Variants in MYH9 observed in about 807,000 individuals in gnomAD.
MYH9 encodes the protein myosin heavy chain 9.
A neutral mutation model predicts 241.9 loss-of-function variants in MYH9; 29 were observed. The ratio of observed to expected loss-of-function variants is 0.12; its 90% CI spans 0.09 to 0.16. The LOEUF (loss-of-function observed/expected upper bound fraction) is 0.16. Among genes scored for constraint, MYH9 ranks in the 10% least tolerant of loss-of-function variants. The pLI, the probability that MYH9 is intolerant of heterozygous loss-of-function variation, is 1.00. For synonymous variants in MYH9, 1,047 were observed against 1,062.6 expected, an observed-to-expected ratio of 0.99 and a Z score of 0.29; for missense variants, 1,803 against 2,595.5, an observed-to-expected ratio of 0.69 and a Z score of 6.63.
rs989377936 is a variant in MYH9, at chr22:36,300,794, C to T, written c.2838+57G>A. 12 of 1,587,962 alleles carry T rather than the reference C, an allele frequency of 7.6e-6. No homozygotes were observed. The South Asian group carries it at 9.9e-5, about 13-fold the overall frequency. On this transcript the variant is annotated intron_variant, in intron 22 of 40. Transcript: ENST00000216181. This position sits in a 1 kb window ranked among gnomAD's most constrained non-coding sequence, Gnocchi z 5.0. The stretch of plus-strand genomic sequence containing the variant: ...TTCTCCCAGCTCCTGGTTCCTGCTC[C>T]TCCGCCCCGCCCTGCCCCTCCGGCG...
rs1159654055 is a variant in MYH9 at position 36,348,817 on chromosome 22, C to T, written c.333+87G>A. On this transcript the variant is annotated intron_variant, in intron 2 of 40. Transcript: ENST00000216181. ...CTCAACCAGAGAGCCAGGGCCCAGG[C>T]ACGTGAGGGTGATGGGAAGACCCGC... 13 of 1,295,742 alleles carry T rather than the reference C, an allele frequency of 1.0e-5. 2 individuals carry two copies. The highest frequency in any genetic ancestry group is 1.4e-5 in the Non-Finnish European group (13 of 919,870). 80.3% of individuals were successfully genotyped at this position (1,295,742 alleles called of 1,614,324 possible). A position where few individuals can be genotyped will look rare whatever the true frequency, so the allele number is the denominator to read the frequency against.
chr22:36,371,040 G>A (rs372703258), intron 1 of MYH9, among the ~76,000 whole-genome samples: 15 of 152,236 alleles, frequency 9.9e-5, no homozygotes, highest in Non-Finnish European at 1.8e-4. Flanking sequence ...GTAGAGCACC[G>A]TCCTGGAGGG....
intron 1 of MYH9, among the ~76,000 whole-genome samples, 196 bp from the exon 2 acceptor site, chr22:36,349,451 C>A (rs1056706764): frequency 6.6e-6 from 1 of 152,148 alleles, no homozygotes; most frequent in South Asian, 2.1e-4. Flanking sequence ...CAAGTTGGGC[C>A]CAGGACAGTG....
intron 3 of MYH9, among the ~76,000 whole-genome samples, chr22:36,340,173 G>A (rs959696285): frequency 2.6e-5 from 4 of 151,406 alleles, no homozygotes; most frequent in Non-Finnish European, 5.9e-5. Flanking sequence ...TATTAGGCTA[G>A]TGCAAAAGTA....
intron 1 of MYH9, 55 bp downstream of exon 1, chr22:36,387,752 C>CCCCG (rs978369198): frequency 2.0e-5 from 3 of 151,966 alleles, no homozygotes; most frequent in South Asian, 2.1e-4. Flanking sequence ...CGCGTCTCGC[C>CCCCG]CCCGCCCGCC....
chr22:36,384,540 G>A (rs1392117718), intron 1 of MYH9, among the ~76,000 whole-genome samples: 103 of 116,160 alleles, frequency 8.9e-4, no homozygotes, highest in African/African-American at 3.3e-3. Flanking sequence ...CTGAGGTCAC[G>A]CCATTGCACT....
intron 1 of MYH9, among the ~76,000 whole-genome samples, chr22:36,387,265 G>A (rs1210657552): frequency 6.6e-6 from 1 of 152,242 alleles, no homozygotes; most frequent in African/African-American, 2.4e-5. Context: ...CAGCGGGACG[G>A]TCCGACTCTG....
At chr22:36,373,777 C>T (rs1474014634) in intron 1 of MYH9, among the ~76,000 whole-genome samples, 1 of 152,182 alleles carries the variant, frequency 6.6e-6, no homozygotes, top group Non-Finnish European at 1.5e-5. Flanking sequence ...CAATAAAACT[C>T]GTGGAACTTT....
Position 36,312,091 on chromosome 22 carries a change from C to T in MYH9, c.1686G>A (p.Leu562=), listed in dbSNP as rs199506577. The T allele has an allele frequency of 5.1e-5, 82 of 1,614,228 alleles. No homozygotes were observed. In the Admixed American group the frequency reaches 1.2e-3, roughly 24 times the overall value. Residue 562 remains leucine, a synonymous_variant, in exon 14 of 41, where the codon CTG becomes CTA. Coordinates refer to ENST00000216181, the MANE Select transcript of MYH9 (RefSeq NM_002473.6). Reference sequence around the variant, plus strand: ...TAATGCAGAAATCAGCTTTGTCCTTCAGCTGCTTGGGCTTCTGGAACTTGG... The same window carrying T: ...TAATGCAGAAATCAGCTTTGTCCTTTAGCTGCTTGGGCTTCTGGAACTTGG... ...THPKFQKPKQ[L]KDKADFCIIH... is the part of the protein sequence containing the mutation.
At chr22:36,348,728 C>T (rs1223176570) in intron 2 of MYH9, among the ~76,000 whole-genome samples, 176 bp downstream of exon 2, 1 of 152,064 alleles carries the variant, frequency 6.6e-6, no homozygotes, top group Non-Finnish European at 1.5e-5. Context: ...ATAAGAACAT[C>T]CCACTAGGAT....
intron 1 of MYH9, among the ~76,000 whole-genome samples, chr22:36,373,599 C>A (rs1391262885): frequency 6.6e-6 from 1 of 152,238 alleles, no homozygotes; most frequent in East Asian, 1.9e-4. Context: ...CCCCTTCAAT[C>A]ACAACCACAC....
intron 2 of MYH9, among the ~76,000 whole-genome samples, chr22:36,346,890 AC>A (rs1359558528): frequency 1.3e-5 from 2 of 152,120 alleles, no homozygotes; most frequent in Non-Finnish European, 1.5e-5. Context: ...GCAGGCATGC[AC>A]CACCATGCCC....
intron 20 of MYH9, chr22:36,302,336 G>A: frequency 4.2e-6 from 2 of 472,622 alleles, no homozygotes; most frequent in Non-Finnish European, 3.9e-6. Context: ...GCAAGATAGT[G>A]AGACCTTGTC....
Position 36,282,253 on chromosome 22 carries a change from GGAGGCTGAC to G in MYH9, c.*406_*414del. On this transcript the variant is annotated 3_prime_UTR_variant, in exon 41 of 41. Transcript: ENST00000216181. ...TGGGGGCGCTGGTGGCAGACGTCAG[GGAGGCTGAC>G]GACTGCGGGGGCTCCGACTACCAAA... 2.7e-6 allele frequency: 1 copy of G among 373,202 alleles called. No homozygotes were observed. Among genetic ancestry groups the G allele is most frequent in the Admixed American group, 4.2e-5 (1 of 23,882 alleles). 23.1% of individuals were successfully genotyped at this position (373,202 alleles called of 1,614,324 possible). A position where few individuals can be genotyped will look rare whatever the true frequency, so the allele number is the denominator to read the frequency against.
At position 36,319,703 on chromosome 22, in the gene MYH9, A is replaced by G. The variant is rs189521454; in HGVS notation, c.1013-68T>C. 78 of 1,470,938 alleles carry G rather than the reference A, an allele frequency of 5.3e-5. 1 individual carries two copies. The East Asian group carries it at 1.3e-3, about 24-fold the overall frequency. 91.1% of individuals were successfully genotyped at this position (1,470,938 alleles called of 1,614,324 possible). A position where few individuals can be genotyped will look rare whatever the true frequency, so the allele number is the denominator to read the frequency against. Reference sequence around the variant, plus strand: ...ATGGTGATTCCCGGGGGTGGGGGCCACTCATCTAGGGATCCTCAAGCCAGA... The same window carrying G: ...ATGGTGATTCCCGGGGGTGGGGGCCGCTCATCTAGGGATCCTCAAGCCAGA... On this transcript the variant is annotated intron_variant, in intron 9 of 40. Transcript: ENST00000216181.
At position 36,292,061 on chromosome 22, in the gene MYH9, G is replaced by A. The variant is rs754341774; in HGVS notation, c.4269C>T (p.Asp1423=). ...GGTGGTCCAGGTCCACCAGCAGGTC[G>A]TCCAGCTCCTGCTGCAGCCGCGTCT... ...KTKTRLQQEL[D]DLLVDLDHQR... The change falls in exon 31 of 41, where the codon GAC becomes GAT. Residue 1423 remains aspartate (D), a synonymous_variant. Coordinates refer to ENST00000216181, the MANE Select transcript of MYH9 (RefSeq NM_002473.6). The A allele has an allele frequency of 3.0e-5, 49 of 1,614,042 alleles. No individual in the cohort carries two copies. Among genetic ancestry groups the A allele is most frequent in the African/African-American group, 1.9e-4 (14 of 74,926 alleles).
intron 5 of MYH9, among the ~76,000 whole-genome samples, chr22:36,323,351 C>T (rs1299465419): frequency 6.6e-6 from 1 of 152,252 alleles, no homozygotes; most frequent in African/African-American, 2.4e-5. Flanking sequence ...TCAGCCACTG[C>T]CCTGTCTTCG....
rs543919599 is a variant in MYH9 at position 36,323,892 on chromosome 22, C to T, written c.613-1371G>A. Among the ~76,000 whole-genome samples the T allele has an allele frequency of 2.6e-5, 4 of 152,350 alleles. No individual in the cohort carries two copies. In the South Asian group the frequency reaches 8.3e-4, roughly 32 times the overall value. On this transcript the variant is annotated intron_variant, in intron 5 of 40. Transcript: ENST00000216181. ...GGTCAAGCCCACAGAGCAGGCTCTA[C>T]GTGTGCGCTGGGCACCAGTGGTAAC...
At chr22:36,365,851 T>C (rs2018002513) in intron 1 of MYH9, among the ~76,000 whole-genome samples, 1 of 152,204 alleles carries the variant, frequency 6.6e-6, no homozygotes, top group Non-Finnish European at 1.5e-5. Context: ...TGCTATTCAC[T>C]CTGATTCTTT....
Sources: gnomAD v4.1 joint callset for allele counts (sites outside exome capture counted in the v4.1 genomes callset) on GRCh38, gnomAD v4.1.1 for gene constraint, Gnocchi (gnomAD v3.1) non-coding constraint, MANE v1.5 for transcripts, NCBI Gene and HGNC (gene_info 2026-07-23, HGNC 2026-07-21) for gene names.